Variants in REDIC1 observed in about 807,000 individuals in gnomAD.
The protein encoded by REDIC1 is regulator of DNA class I crossover intermediates 1.
At chr12:39,732,479 C>T in the REDIC1 span, among the ~76,000 whole-genome samples, 3 of 152,238 alleles carry the variant, frequency 2.0e-5, no homozygotes, top group East Asian at 5.8e-4. Context: ...TGTTCAATGT[C>T]TAGATCCAGT....
the REDIC1 span, among the ~76,000 whole-genome samples, chr12:39,778,222 T>C: frequency 3.3e-5 from 5 of 152,206 alleles, no homozygotes; most frequent in African/African-American, 1.2e-4. Context: ...ACTCATTTTA[T>C]AGAGGGCACA....
chr12:39,653,365 A>G, the REDIC1 span, among the ~76,000 whole-genome samples: 2 of 151,856 alleles, frequency 1.3e-5, no homozygotes, highest in African/African-American at 4.8e-5. Context: ...TTGTATATGA[A>G]TCTTACATCT....
At chr12:39,779,572 T>G in the REDIC1 span, among the ~76,000 whole-genome samples, 12 of 152,200 alleles carry the variant, frequency 7.9e-5, no homozygotes, top group East Asian at 2.1e-3. Context: ...ATTAAAAAAA[T>G]TAAAACACTT....
the REDIC1 span, among the ~76,000 whole-genome samples, chr12:39,655,425 A>G: frequency 6.6e-6 from 1 of 152,136 alleles, no homozygotes; most frequent in African/African-American, 2.4e-5. Flanking sequence ...TGTATGCAAC[A>G]CCTCACATTC....
chr12:39,643,778 G>T, the REDIC1 span: 1 of 1,510,824 alleles, frequency 6.6e-7, no homozygotes, highest in Non-Finnish European at 9.1e-7. Flanking sequence ...AATTATTTTA[G>T]GAATATTTTG....
At chr12:39,730,277 T>G in the REDIC1 span, among the ~76,000 whole-genome samples, 1 of 152,196 alleles carries the variant, frequency 6.6e-6, no homozygotes, top group Non-Finnish European at 1.5e-5. Context: ...TTTAGTACAT[T>G]TTTGCAGTGG....
the REDIC1 span, among the ~76,000 whole-genome samples, chr12:39,644,605 C>T: frequency 2.0e-5 from 3 of 151,670 alleles, no homozygotes; most frequent in Admixed American, 6.6e-5. Context: ...TTCCTTTCTC[C>T]GTCATTTTTT....
the REDIC1 span, among the ~76,000 whole-genome samples, chr12:39,709,226 GTT>G: frequency 3.4e-3 from 486 of 142,864 alleles, 2 homozygotes; most frequent in African/African-American, 7.8e-3. Flanking sequence ...AGACTTATGT[GTT>G]TTTTTTTTTT....
At chr12:39,872,533 G>A in the REDIC1 span, among the ~76,000 whole-genome samples, 57 of 152,216 alleles carry the variant, frequency 3.7e-4, no homozygotes, top group Admixed American at 4.6e-4. Context: ...TATGTTTCCC[G>A]AAAAAGGGTA....
At chr12:39,674,770 C>G in the REDIC1 span, among the ~76,000 whole-genome samples, 1 of 152,190 alleles carries the variant, frequency 6.6e-6, no homozygotes, top group East Asian at 1.9e-4. Context: ...GGGAAGCCAT[C>G]CCTGGCCTTC....
chr12:39,626,852 G>C, the REDIC1 span, among the ~76,000 whole-genome samples: 1 of 152,214 alleles, frequency 6.6e-6, no homozygotes, highest in Admixed American at 6.5e-5. Flanking sequence ...ATTTTAAGGG[G>C]AAGTAAAGTG....
the REDIC1 span, among the ~76,000 whole-genome samples, chr12:39,861,395 C>T: frequency 1.5e-4 from 23 of 152,188 alleles, no homozygotes; most frequent in Admixed American, 1.2e-3. Context: ...AAGATAAAAA[C>T]CCTAGGGCAA....
chr12:39,638,106 A>G, the REDIC1 span, among the ~76,000 whole-genome samples: 3 of 152,050 alleles, frequency 2.0e-5, no homozygotes, highest in Non-Finnish European at 4.4e-5. Flanking sequence ...CAAACAAACA[A>G]CAACAACAAA....
the REDIC1 span, among the ~76,000 whole-genome samples, chr12:39,898,881 A>C: frequency 6.6e-6 from 1 of 152,164 alleles, no homozygotes; most frequent in Admixed American, 6.5e-5. Context: ...CCTTGTATAT[A>C]AAATGGAAAA....
At chr12:39,713,271 TAC>T in the REDIC1 span, among the ~76,000 whole-genome samples, 8 of 42,412 alleles carry the variant, frequency 1.9e-4, no homozygotes, top group East Asian at 1.2e-3. Context: ...TATATATGTG[TAC>T]ACACACATAC....
chr12:39,834,834 A>C, the REDIC1 span, among the ~76,000 whole-genome samples: 1 of 152,046 alleles, frequency 6.6e-6, no homozygotes, highest in Non-Finnish European at 1.5e-5. Flanking sequence ...AAGATTCCCA[A>C]CTTCAACTTG....
the REDIC1 span, chr12:39,830,211 A>G: frequency 6.2e-7 from 1 of 1,613,298 alleles, no homozygotes; most frequent in Non-Finnish European, 8.5e-7. Flanking sequence ...TGGATCCAAC[A>G]TACATTCATT....
At chr12:39,712,498 T>C in the REDIC1 span, among the ~76,000 whole-genome samples, 1 of 141,856 alleles carries the variant, frequency 7.0e-6, no homozygotes, top group Non-Finnish European at 1.5e-5. Context: ...ATATACGACG[T>C]ATATACGTAT....
At chr12:39,779,718 C>G in the REDIC1 span, among the ~76,000 whole-genome samples, 1 of 152,166 alleles carries the variant, frequency 6.6e-6, no homozygotes, top group Non-Finnish European at 1.5e-5. Context: ...TAATTTAAAA[C>G]GTGACTGTCT....
Sources: gnomAD v4.1 joint callset for allele counts (sites outside exome capture counted in the v4.1 genomes callset) on GRCh38, gnomAD v4.1.1 for gene constraint, MANE v1.5 for transcripts, NCBI Gene and HGNC (gene_info 2026-07-23, HGNC 2026-07-21) for gene names.